Variants in ALG10B observed in about 807,000 individuals in gnomAD.
ALG10B encodes the protein dol-P-Glc:Glc(2)Man(9)GlcNAc(2)-PP-Dol alpha-1,2-glucosyltransferase B.
In ALG10B, 27 loss-of-function variants were observed where a neutral mutation model predicts 38.7. That is an observed-to-expected ratio of 0.70 (90% CI 0.51 to 0.96). The LOEUF (loss-of-function observed/expected upper bound fraction) is 0.96, where lower values mean the gene tolerates loss of function less well. ALG10B is among the 40% of genes least tolerant of loss of function. The pLI, the probability that ALG10B is intolerant of heterozygous loss-of-function variation, is 0.00. For missense variants in ALG10B, 522 were observed against 542.7 expected (o/e 0.96, Z 0.38); for synonymous variants, 177 against 193.3 (o/e 0.92, Z 0.70).
In ALG10B at chr12:38,320,832, G is replaced by C. The variant is rs1242636567; in HGVS notation, c.1041G>C (p.Leu347Phe). The C allele has an allele frequency of 6.2e-7, 1 of 1,613,606 alleles. No homozygotes were observed. Among genetic ancestry groups the C allele is most frequent in the South Asian group, 1.1e-5 (1 of 90,994 alleles). The part of the protein sequence containing the change: ...VWKFTYAHKY[L>F]LADNRHYTFY... ...AATTCACTTATGCTCATAAATACTTGCTAGCAGACAATAGACATTATACTT... is the reference window on the plus strand; with the variant it reads ...AATTCACTTATGCTCATAAATACTTCCTAGCAGACAATAGACATTATACTT... The change falls in exon 3 of 3, where the codon TTG becomes TTC. Residue 347 changes from leucine (L) to phenylalanine (F), a missense_variant. Leu to Phe is a conservative substitution (Grantham distance 22). Transcript: ENST00000308742.
Position 38,317,019 on chromosome 12 carries a change from G to C in ALG10B, c.126G>C (p.Leu42=). The change falls in exon 1 of 3, where the codon CTG becomes CTC. Residue 42 remains leucine (L), a synonymous_variant. Coordinates refer to ENST00000308742, the MANE Select transcript of ALG10B (RefSeq NM_001013620.4). ...REPYMDEIFH[L]PQAQRYCEGH... ...CCTACATGGACGAGATCTTCCACCT[G>C]CCTCAGGCGCAGCGCTACTGTGAGG... The C allele has an allele frequency of 6.2e-7, 1 of 1,614,136 alleles. No individual in the cohort carries two copies. The highest frequency in any genetic ancestry group is 8.5e-7 in the Non-Finnish European group (1 of 1,180,020).
In ALG10B at chr12:38,316,936, T is replaced by C; in HGVS notation, c.43T>C (p.Cys15Arg). The C allele has an allele frequency of 6.2e-7, 1 of 1,614,196 alleles. No individual in the cohort carries two copies. The highest frequency in any genetic ancestry group is 8.5e-7 in the Non-Finnish European group (1 of 1,180,026). ...TTACTGTTTCTCGGCCGCCTTGAGC[T>C]GTACCTTTTTAGTGTCCTGCCTCCT... ...EGYCFSAALS[C>R]TFLVSCLLFS... The change falls in exon 1 of 3, where the codon TGT (cysteine) becomes CGT (arginine). Residue 15 changes from cysteine to arginine, a missense_variant. Transcript: ENST00000308742.
In ALG10B at chr12:38,321,704, C is replaced by A. The variant is rs1354719063; in HGVS notation, c.*491C>A. ...ACAAATGGTCAGGTGATATTCTTGA[C>A]TGAAAAGTTCCTTAACATTTCAGTA... On this transcript the variant is annotated 3_prime_UTR_variant, in exon 3 of 3. Transcript: ENST00000308742. 6.6e-6 allele frequency: 1 copy of A among 152,534 alleles called. No individual in the cohort carries two copies. The highest frequency in any genetic ancestry group is 1.5e-5 in the Non-Finnish European group (1 of 68,036). The allele number at this position is 152,534 out of a possible 1,614,324, so 9.4% of individuals were successfully genotyped here. A position where few individuals can be genotyped will look rare whatever the true frequency, so the allele number is the denominator to read the frequency against.
chr12:38,317,113 A>G (rs762207475), intron 1 of ALG10B, 49 bp downstream of exon 1: 2 of 1,612,340 alleles, frequency 1.2e-6, no homozygotes, highest in Non-Finnish European at 1.7e-6. Flanking sequence ...GAAAGGTCCC[A>G]GCGTCCCCAG....
Position 38,328,270 on chromosome 12 carries a change from T to G in ALG10B, c.*7057T>G, listed in dbSNP as rs534346998. The stretch of plus-strand genomic sequence containing the variant: ...TGCTGTCTTTGGTATATTTTAAGTT[T>G]CTAAACCAAAACTACTATTTGACTC... On this transcript the variant is annotated 3_prime_UTR_variant, in exon 3 of 3. Coordinates refer to ENST00000308742, the MANE Select transcript of ALG10B (RefSeq NM_001013620.4). The G allele has an allele frequency of 5.3e-5, 8 of 152,302 alleles. No homozygotes were observed. Among genetic ancestry groups the G allele is most frequent in the African/African-American group, 1.9e-4 (8 of 41,574 alleles). 9.4% of individuals were successfully genotyped at this position (152,302 alleles called of 1,614,324 possible). A position where few individuals can be genotyped will look rare whatever the true frequency, so the allele number is the denominator to read the frequency against.
Position 38,328,519 on chromosome 12 carries a change from T to C in ALG10B, c.*7306T>C, listed in dbSNP as rs1945765321. 1 of 151,942 alleles carries C rather than the reference T, an allele frequency of 6.6e-6. No homozygotes were observed. Among genetic ancestry groups the C allele is most frequent in the Non-Finnish European group, 1.5e-5 (1 of 68,004 alleles). The allele number at this position is 151,942 out of a possible 1,614,324, so 9.4% of individuals were successfully genotyped here. A position where few individuals can be genotyped will look rare whatever the true frequency, so the allele number is the denominator to read the frequency against. Reference sequence around the variant, plus strand: ...TTAAGGTGTCCACTAGGTGGAGATATTGTGCTACATTTCCAAGTGTTGTAG... The same window carrying C: ...TTAAGGTGTCCACTAGGTGGAGATACTGTGCTACATTTCCAAGTGTTGTAG... On this transcript the variant is annotated 3_prime_UTR_variant, in exon 3 of 3. Coordinates refer to ENST00000308742, the MANE Select transcript of ALG10B (RefSeq NM_001013620.4).
intron 1 of ALG10B, 136 bp downstream of exon 1, chr12:38,317,200 T>C: frequency 8.3e-7 from 1 of 1,198,418 alleles, no homozygotes; most frequent in Non-Finnish European, 1.2e-6. Flanking sequence ...AAACTGGGTA[T>C]AGTCTTTTGT....
At chr12:38,318,863 T>C (rs1245810753) in intron 2 of ALG10B, among the ~76,000 whole-genome samples, 1 of 152,196 alleles carries the variant, frequency 6.6e-6, no homozygotes, top group African/African-American at 2.4e-5. Flanking sequence ...GTCGATTGCC[T>C]GGGTTAGAAT....
intron 1 of ALG10B, chr12:38,317,501 A>C (rs945327178): frequency 3.8e-5 from 7 of 184,164 alleles, no homozygotes; most frequent in African/African-American, 1.7e-4. Flanking sequence ...AAAAAGTGAC[A>C]ATTTATAATC....
chr12:38,317,265 C>T lies in ALG10B; in HGVS notation c.171+201C>T, dbSNP rs1945664118. 5 of 816,408 alleles carry T rather than the reference C, an allele frequency of 6.1e-6. No homozygotes were observed. The South Asian group carries it at 9.2e-5, about 15-fold the overall frequency. 50.6% of individuals were successfully genotyped at this position (816,408 alleles called of 1,614,324 possible). On this transcript the variant is annotated intron_variant, in intron 1 of 2. Transcript: ENST00000308742. Reference sequence around the variant, plus strand: ...TTAAATGAATGAATAAACAGCAGATCTGATCCCCAGGGAGGAGTGATCTGG... The same window carrying T: ...TTAAATGAATGAATAAACAGCAGATTTGATCCCCAGGGAGGAGTGATCTGG...
Position 38,325,141 on chromosome 12 carries a change from T to G in ALG10B, c.*3928T>G, listed in dbSNP as rs1178307559. The G allele has an allele frequency of 2.0e-5, 3 of 152,222 alleles. No individual in the cohort carries two copies. The highest frequency in any genetic ancestry group is 7.2e-5 in the African/African-American group (3 of 41,468). The allele number at this position is 152,222 out of a possible 1,614,324, so 9.4% of individuals were successfully genotyped here. A position where few individuals can be genotyped will look rare whatever the true frequency, so the allele number is the denominator to read the frequency against. On this transcript the variant is annotated 3_prime_UTR_variant, in exon 3 of 3. Coordinates refer to ENST00000308742, the MANE Select transcript of ALG10B (RefSeq NM_001013620.4). Reference sequence around the variant, plus strand: ...CATTAATGGATAGTCAGGAATCTTTTGAACTGCGTCTATGTATTTAAATGA... The same window carrying G: ...CATTAATGGATAGTCAGGAATCTTTGGAACTGCGTCTATGTATTTAAATGA...
At chr12:38,317,955 AAAAAC>A (rs1565603303) in intron 1 of ALG10B, 2 of 398,544 alleles carry the variant, frequency 5.0e-6, no homozygotes. Flanking sequence ...CCATGCTTTT[AAAAAC>A]TGGAGCATTT....
chr12:38,328,801 G>C lies in ALG10B; in HGVS notation c.*7588G>C. ...TGGCATACTTCATTCATATGACATA[G>C]TTAGAATCTTTTCCCACAAACAATG... On this transcript the variant is annotated 3_prime_UTR_variant, in exon 3 of 3. Transcript: ENST00000308742. The C allele has an allele frequency of 6.1e-6, 1 of 164,404 alleles. No individual in the cohort carries two copies. Among genetic ancestry groups the C allele is most frequent in the Non-Finnish European group, 1.3e-5 (1 of 76,540 alleles). 10.2% of individuals were successfully genotyped at this position (164,404 alleles called of 1,614,324 possible).
chr12:38,320,115 C>T, intron 2 of ALG10B, 46 bp from the exon 3 acceptor site: 1 of 1,607,286 alleles, frequency 6.2e-7, no homozygotes, highest in Non-Finnish European at 8.5e-7. Context: ...GCAGAAATAG[C>T]ATTTATCATT....
chr12:38,324,545 G>A lies in ALG10B; in HGVS notation c.*3332G>A, dbSNP rs1000510981. ...AACAGGAATGCTTATCAATACTTTC[G>A]AATTTAAGATAAATGTCTTCGTTAA... On this transcript the variant is annotated 3_prime_UTR_variant, in exon 3 of 3. Coordinates refer to ENST00000308742, the MANE Select transcript of ALG10B (RefSeq NM_001013620.4). 2.6e-5 allele frequency: 4 copies of A among 152,048 alleles called. No individual in the cohort carries two copies. Among genetic ancestry groups the A allele is most frequent in the East Asian group, 3.9e-4 (2 of 5,194 alleles). 9.4% of individuals were successfully genotyped at this position (152,048 alleles called of 1,614,324 possible).
Position 38,329,072 on chromosome 12 carries a change from T to C in ALG10B, c.*7859T>C. 2.5e-6 allele frequency: 1 copy of C among 396,540 alleles called. No individual in the cohort carries two copies. The highest frequency in any genetic ancestry group is 3.6e-5 in the East Asian group (1 of 27,906). 24.6% of individuals were successfully genotyped at this position (396,540 alleles called of 1,614,324 possible). ...TCTATTGTTATGATGGAGAAAGGCA[T>C]GAAGTCTACCTTCAAATTCATGGCA... On this transcript the variant is annotated 3_prime_UTR_variant, in exon 3 of 3. Coordinates refer to ENST00000308742, the MANE Select transcript of ALG10B (RefSeq NM_001013620.4).
chr12:38,316,770 GT>G, upstream of ALG10B: 1 of 1,528,366 alleles, frequency 6.5e-7, no homozygotes, highest in South Asian at 1.1e-5. Context: ...TTGCCTTCCG[GT>G]ATGTGGCCCC....
rs1945772580 is a variant in ALG10B, at chr12:38,329,181, G to C, written c.*7968G>C. On this transcript the variant is annotated 3_prime_UTR_variant, in exon 3 of 3. Coordinates refer to ENST00000308742, the MANE Select transcript of ALG10B (RefSeq NM_001013620.4). Reference sequence around the variant, plus strand: ...GAAAAATGAGGTCCACACTAATTTTGCCTCTTCCACAGGGAGATAGATTCT... The same window carrying C: ...GAAAAATGAGGTCCACACTAATTTTCCCTCTTCCACAGGGAGATAGATTCT... 2 of 398,288 alleles carry C rather than the reference G, an allele frequency of 5.0e-6. No homozygotes were observed. Among genetic ancestry groups the C allele is most frequent in the Non-Finnish European group, 8.9e-6 (2 of 225,952 alleles). 24.7% of individuals were successfully genotyped at this position (398,288 alleles called of 1,614,324 possible).
rs531395362 is a variant in ALG10B, at chr12:38,321,289, A to C, written c.*76A>C. 123 of 1,458,658 alleles carry C rather than the reference A, an allele frequency of 8.4e-5. No individual in the cohort carries two copies. In the East Asian group the frequency reaches 2.3e-3, roughly 27 times the overall value. 90.4% of individuals were successfully genotyped at this position (1,458,658 alleles called of 1,614,324 possible). A position where few individuals can be genotyped will look rare whatever the true frequency, so the allele number is the denominator to read the frequency against. ...CTACAAAGAACAACTGAATAGGTGG[A>C]AAACATGGAATTTCTTTTAGGTGCA... On this transcript the variant is annotated 3_prime_UTR_variant, in exon 3 of 3. Coordinates refer to ENST00000308742, the MANE Select transcript of ALG10B (RefSeq NM_001013620.4).
Sources: gnomAD v4.1 joint callset for allele counts (sites outside exome capture counted in the v4.1 genomes callset) on GRCh38, gnomAD v4.1.1 for gene constraint, MANE v1.5 for transcripts, NCBI Gene and HGNC (gene_info 2026-07-23, HGNC 2026-07-21) for gene names.